The following KHDRBS2 variants were observed in gnomAD, a reference collection of about 807,000 sequenced individuals.
KHDRBS2 encodes the protein KH RNA binding domain containing, signal transduction associated 2, also known as KH domain-containing, RNA-binding, signal transduction-associated protein 2.
A neutral mutation model predicts 44.3 loss-of-function variants in KHDRBS2; 26 were observed. The ratio of observed to expected loss-of-function variants is 0.59; its 90% CI spans 0.43 to 0.81. The LOEUF (loss-of-function observed/expected upper bound fraction) is 0.81. Ranked by LOEUF, KHDRBS2 falls within the 40% of genes least tolerant of loss-of-function variation. KHDRBS2 has a pLI of 0.00. For synonymous variants in KHDRBS2, 194 were observed against 151.1 expected, an observed-to-expected ratio of 1.28 and a Z score of -2.08; for missense variants, 476 against 433.1, an observed-to-expected ratio of 1.10 and a Z score of -0.88.
rs9449948 is a variant in KHDRBS2 at position 61,699,113 on chromosome 6, G to A, written c.894-1860C>T. Among the ~76,000 whole-genome samples, 1,297 of 151,950 alleles carry A rather than the reference G, an allele frequency of 8.5e-3. 16 individuals are homozygous for A. The highest frequency in any genetic ancestry group is 0.029 in the African/African-American group (1,221 of 41,440). ...TTATTTCATTTATTCATTTGCTGTC[G>A]TTGTTCCAAGCAGATTTTCTAGAAC... On this transcript the variant is annotated intron_variant, in intron 7 of 8. Coordinates refer to ENST00000281156, the MANE Select transcript of KHDRBS2 (RefSeq NM_152688.4).
intron 4 of KHDRBS2, among the ~76,000 whole-genome samples, chr6:61,904,322 A>T (rs956152481): frequency 6.6e-6 from 1 of 152,198 alleles, no homozygotes; most frequent in African/African-American, 2.4e-5. Flanking sequence ...ACAGAAATCT[A>T]CTAACATGGA....
At chr6:62,226,349 T>C (rs1831820589) in intron 1 of KHDRBS2, among the ~76,000 whole-genome samples, 1 of 152,228 alleles carries the variant, frequency 6.6e-6, no homozygotes, top group Admixed American at 6.5e-5. Context: ...TTTAGAACTG[T>C]CTGTTCATAT....
intron 4 of KHDRBS2, among the ~76,000 whole-genome samples, chr6:61,973,066 G>C (rs1411845180): frequency 1.3e-5 from 2 of 152,082 alleles, no homozygotes; most frequent in African/African-American, 2.4e-5. Context: ...CCTGGGAGGA[G>C]AAGGTTGCAG....
intron 6 of KHDRBS2, among the ~76,000 whole-genome samples, chr6:61,889,043 T>C (rs1801411185): frequency 6.6e-6 from 1 of 152,148 alleles, no homozygotes; most frequent in Non-Finnish European, 1.5e-5. Context: ...AAATAGATTA[T>C]TAATATCTAT....
chr6:61,851,964 G>C (rs766831892), intron 6 of KHDRBS2, among the ~76,000 whole-genome samples: 1 of 152,202 alleles, frequency 6.6e-6, no homozygotes, highest in Non-Finnish European at 1.5e-5. Flanking sequence ...GCTCATGGCT[G>C]TAATCCCAGC....
intron 1 of KHDRBS2, among the ~76,000 whole-genome samples, chr6:62,252,441 T>C (rs1836702185): frequency 6.6e-6 from 1 of 151,968 alleles, no homozygotes; most frequent in African/African-American, 2.4e-5. Flanking sequence ...TGTCTTTTAA[T>C]TATTACCTTG....
intron 7 of KHDRBS2, among the ~76,000 whole-genome samples, chr6:61,722,989 A>T (rs1582405268): frequency 1.3e-5 from 2 of 152,088 alleles, no homozygotes; most frequent in South Asian, 4.1e-4. Flanking sequence ...AATTACAGGC[A>T]TGAGCTGCGG....
the KHDRBS2 span, among the ~76,000 whole-genome samples, chr6:61,607,722 C>G: frequency 6.6e-6 from 1 of 152,008 alleles, no homozygotes; most frequent in Non-Finnish European, 1.5e-5. Context: ...GAGTCTTGCT[C>G]TGTTGCCCAG....
chr6:62,267,368 G>A (rs1839374845), intron 1 of KHDRBS2, among the ~76,000 whole-genome samples: 1 of 152,018 alleles, frequency 6.6e-6, no homozygotes, highest in Admixed American at 6.6e-5. Context: ...GCCCAAACTG[G>A]TTTGCTTCCT....
chr6:61,821,338 A>G (rs562920491), intron 6 of KHDRBS2, among the ~76,000 whole-genome samples: 106 of 152,094 alleles, frequency 7.0e-4, no homozygotes, highest in Middle Eastern at 6.8e-3. Flanking sequence ...ATTTTAGTAA[A>G]CTTTCAAGAT....
At chr6:61,614,960 A>T in the KHDRBS2 span, among the ~76,000 whole-genome samples, 2 of 151,996 alleles carry the variant, frequency 1.3e-5, no homozygotes, top group South Asian at 2.1e-4. Flanking sequence ...TAGGCTGGGC[A>T]TGGTGGCTCA....
chr6:61,845,611 T>C (rs1042996119), intron 6 of KHDRBS2, among the ~76,000 whole-genome samples: 8 of 152,134 alleles, frequency 5.3e-5, no homozygotes, highest in Non-Finnish European at 1.0e-4. Context: ...CACGGCCCAA[T>C]GAGGGATACA....
chr6:61,757,921 T>C (rs1394533572), intron 6 of KHDRBS2, among the ~76,000 whole-genome samples: 7 of 152,132 alleles, frequency 4.6e-5, no homozygotes, highest in Admixed American at 1.3e-4. Context: ...CTGGACACAA[T>C]TACCTCTGAT....
chr6:61,757,247 T>C (rs1369716847), intron 6 of KHDRBS2, among the ~76,000 whole-genome samples: 1 of 152,162 alleles, frequency 6.6e-6, no homozygotes, highest in Non-Finnish European at 1.5e-5. Flanking sequence ...CTCTCTGTTA[T>C]TAAGAGAGGT....
intron 1 of KHDRBS2, among the ~76,000 whole-genome samples, chr6:62,186,354 C>G (rs902348761): frequency 6.6e-6 from 1 of 152,006 alleles, no homozygotes; most frequent in African/African-American, 2.4e-5. Flanking sequence ...CGAATACTAG[C>G]TATTATCATT....
At chr6:61,818,784 C>A (rs1014315307) in intron 6 of KHDRBS2, among the ~76,000 whole-genome samples, 2 of 151,906 alleles carry the variant, frequency 1.3e-5, no homozygotes, top group African/African-American at 4.8e-5. Flanking sequence ...ATTTCCAGAT[C>A]CCCAAAGTGA....
At chr6:62,037,552 C>T (rs754262996) in intron 3 of KHDRBS2, among the ~76,000 whole-genome samples, 3 of 151,380 alleles carry the variant, frequency 2.0e-5, no homozygotes, top group African/African-American at 4.9e-5. Flanking sequence ...CACCCAAAAA[C>T]GAAGAGAAAA....
chr6:62,064,412 G>C (rs1338379111), intron 2 of KHDRBS2, among the ~76,000 whole-genome samples: 3 of 148,002 alleles, frequency 2.0e-5, no homozygotes, highest in Non-Finnish European at 3.0e-5. Flanking sequence ...AAAACAGCAT[G>C]GTACTGGTAC....
In KHDRBS2 at chr6:62,285,964, T is replaced by C. The variant is rs1451985627; in HGVS notation, c.-16A>G. The stretch of plus-strand genomic sequence containing the variant: ...CCTCTTCCATAGCGCGGACTTCGGA[T>C]TGTCCCCGGGCGAAGCGCGAGGTTC... On this transcript the variant is annotated 5_prime_UTR_variant, in exon 1 of 9. Coordinates refer to ENST00000281156, the MANE Select transcript of KHDRBS2 (RefSeq NM_152688.4). 14 of 1,557,198 alleles carry C rather than the reference T, an allele frequency of 9.0e-6. No homozygotes were observed. The highest frequency in any genetic ancestry group is 8.1e-5 in the African/African-American group (6 of 73,760).
Sources: allele counts gnomAD v4.1 joint callset (sites outside exome capture counted in the v4.1 genomes callset), GRCh38; gene constraint gnomAD v4.1.1; transcripts MANE v1.5; gene names NCBI Gene and HGNC (gene_info 2026-07-23, HGNC 2026-07-21).